The following PACRG variants were observed in gnomAD, a reference collection of about 807,000 sequenced individuals.
PACRG encodes the protein parkin coregulated gene protein.
Under a neutral mutation model 29.7 loss-of-function variants are expected in PACRG, and 29 were observed. The observed-to-expected ratio is 0.98, with a 90% CI of 0.73 to 1.33. The LOEUF is 1.33. Ranked by LOEUF, PACRG falls within the 40% of genes most tolerant of loss-of-function variation. The probability of loss-of-function intolerance (pLI) is 0.00; values close to 1 mark genes in which losing one functional copy is unlikely to be tolerated. For synonymous variants in PACRG, 116 were observed against 118.7 expected (o/e 0.98, Z 0.15); for missense variants, 279 against 316.2 (o/e 0.88, Z 0.89).
intron 4 of PACRG, among the ~76,000 whole-genome samples, chr6:163,181,009 A>G (rs2128353629): frequency 6.6e-6 from 1 of 152,324 alleles, no homozygotes; most frequent in South Asian, 2.1e-4. Flanking sequence ...GTGAACCCAG[A>G]TAGGTCAACC....
At chr6:163,110,621 C>T (rs956662079) in intron 4 of PACRG, among the ~76,000 whole-genome samples, 5 of 152,192 alleles carry the variant, frequency 3.3e-5, no homozygotes, top group African/African-American at 9.7e-5. Context: ...CACAGAGCCC[C>T]TTGTAGAGCC....
intron 2 of PACRG, among the ~76,000 whole-genome samples, chr6:162,960,216 A>T (rs1439439762): frequency 6.6e-6 from 1 of 152,258 alleles, no homozygotes; most frequent in African/African-American, 2.4e-5. Context: ...CAAAGAACTT[A>T]AAACAGAGCT....
At chr6:162,776,782 A>G (rs1783675376) in intron 1 of PACRG, among the ~76,000 whole-genome samples, 1 of 152,186 alleles carries the variant, frequency 6.6e-6, no homozygotes, top group African/African-American at 2.4e-5. Context: ...TTTTCTCTTT[A>G]CTAAGAATTT....
chr6:162,803,953 G>A (rs1338827666), intron 1 of PACRG, among the ~76,000 whole-genome samples: 1 of 151,968 alleles, frequency 6.6e-6, no homozygotes, highest in East Asian at 1.9e-4. Context: ...GCAAAAAATT[G>A]AAATAATATA....
chr6:162,974,155 C>T (rs56943482), intron 2 of PACRG, among the ~76,000 whole-genome samples: 11,510 of 152,032 alleles, frequency 0.076, 1,209 homozygotes, highest in African/African-American at 0.24. Flanking sequence ...ACGGGGCTCG[C>T]TCAAGTATTT....
At chr6:162,822,115 G>A (rs1409690296) in intron 2 of PACRG, among the ~76,000 whole-genome samples, 1 of 152,158 alleles carries the variant, frequency 6.6e-6, no homozygotes, top group African/African-American at 2.4e-5. Context: ...ATTAAGACAG[G>A]AGATTGATAG....
chr6:162,912,928 A>AC (rs1411118891), intron 2 of PACRG, among the ~76,000 whole-genome samples: 46 of 152,240 alleles, frequency 3.0e-4, no homozygotes, highest in South Asian at 4.1e-4. Context: ...CAAACAAAAA[A>AC]AAAAAAAACA....
At chr6:163,138,093 A>T (rs1005236180) in intron 4 of PACRG, among the ~76,000 whole-genome samples, 1 of 152,352 alleles carries the variant, frequency 6.6e-6, no homozygotes, top group Middle Eastern at 3.4e-3. Flanking sequence ...GCATTAGCAG[A>T]TCCAAGTTCC....
chr6:162,934,269 A>AAT (rs1554308450), intron 2 of PACRG, among the ~76,000 whole-genome samples: 21 of 151,800 alleles, frequency 1.4e-4, no homozygotes, highest in East Asian at 1.2e-3. Flanking sequence ...TCAAAAAAAA[A>AAT]AAATAAATAA....
chr6:163,254,291 G>A (rs1057472842), intron 4 of PACRG, among the ~76,000 whole-genome samples: 3 of 152,092 alleles, frequency 2.0e-5, no homozygotes, highest in Non-Finnish European at 4.4e-5. Flanking sequence ...AAAAATATGC[G>A]CCTGAAAGAG....
chr6:163,088,423 G>A (rs567641134), intron 3 of PACRG, among the ~76,000 whole-genome samples: 3 of 152,270 alleles, frequency 2.0e-5, no homozygotes, highest in African/African-American at 4.8e-5. Context: ...ATCTTAGAAA[G>A]TGCATAACAG....
intron 2 of PACRG, chr6:163,042,778 T>A (rs541294808): frequency 4.6e-5 from 7 of 152,082 alleles, no homozygotes; most frequent in African/African-American, 1.7e-4. Flanking sequence ...AAAGCAGAGA[T>A]TCTACTACAC....
At chr6:162,771,084 A>T (rs1783181726) in intron 1 of PACRG, among the ~76,000 whole-genome samples, 1 of 152,184 alleles carries the variant, frequency 6.6e-6, no homozygotes, top group African/African-American at 2.4e-5. Flanking sequence ...TATTCATAGA[A>T]TACAAACTCT....
intron 2 of PACRG, among the ~76,000 whole-genome samples, chr6:162,965,487 G>C (rs1261085383): frequency 6.6e-6 from 1 of 152,202 alleles, no homozygotes; most frequent in Non-Finnish European, 1.5e-5. Flanking sequence ...TCTTCACATA[G>C]TAGAAATGGT....
At chr6:163,156,807 A>G (rs1423898771) in intron 4 of PACRG, among the ~76,000 whole-genome samples, 1 of 152,008 alleles carries the variant, frequency 6.6e-6, no homozygotes, top group Non-Finnish European at 1.5e-5. Flanking sequence ...CTCTTCAAAG[A>G]CAACTTCTTC....
chr6:163,175,142 G>A (rs927259430), intron 4 of PACRG, among the ~76,000 whole-genome samples: 11 of 152,144 alleles, frequency 7.2e-5, no homozygotes, highest in South Asian at 2.1e-4. Context: ...AATGGTTGCT[G>A]ATATCTGTTT....
chr6:163,285,835 G>A (rs1013550753), intron 4 of PACRG, among the ~76,000 whole-genome samples: 1 of 152,190 alleles, frequency 6.6e-6, no homozygotes, highest in Non-Finnish European at 1.5e-5. Flanking sequence ...CCCACAGTAG[G>A]TGCACCATCC....
At chr6:162,750,043 C>T (rs557624457) in intron 1 of PACRG, among the ~76,000 whole-genome samples, 295 of 152,260 alleles carry the variant, frequency 1.9e-3, no homozygotes, top group Non-Finnish European at 2.8e-3. Flanking sequence ...GTTGATTACC[C>T]AATGTGTACT....
At chr6:163,301,881 G>C (rs1562367910) in intron 4 of PACRG, among the ~76,000 whole-genome samples, 2 of 152,146 alleles carry the variant, frequency 1.3e-5, no homozygotes, top group Non-Finnish European at 2.9e-5. Flanking sequence ...TATTTCCCCT[G>C]TTTCAGTGGA....
Sources: allele counts gnomAD v4.1 joint callset (sites outside exome capture counted in the v4.1 genomes callset), GRCh38; gene constraint gnomAD v4.1.1; transcripts MANE v1.5; gene names NCBI Gene and HGNC (gene_info 2026-07-23, HGNC 2026-07-21).